Variants in SLC4A4 observed in about 807,000 individuals in gnomAD.
The protein encoded by SLC4A4 is solute carrier family 4 member 4.
SLC4A4 carries 27 observed loss-of-function variants against 111.5 expected under a neutral mutation model. The ratio of observed to expected loss-of-function variants is 0.24; its 90% CI spans 0.18 to 0.33. SLC4A4 has a LOEUF of 0.33. Among genes scored for constraint, SLC4A4 ranks in the 10% least tolerant of loss-of-function variants. The pLI is 1.00. For missense variants in SLC4A4, 909 were observed against 1,315.5 expected, an observed-to-expected ratio of 0.69 and a Z score of 4.78; for synonymous variants, 443 against 463.4, an observed-to-expected ratio of 0.96 and a Z score of 0.57.
In SLC4A4 at chr4:71,298,349, G is replaced by A. The variant is rs562293508; in HGVS notation, c.254-41021G>A. ...TCCTGGGATCTGCAAGCAGCCTTAG[G>A]TGGAGAAAAGAGGAGGCACAGAACA... On this transcript the variant is annotated intron_variant, in intron 3 of 25. Transcript: ENST00000264485. Among the ~76,000 whole-genome samples, 5 of 152,274 alleles carry A rather than the reference G, an allele frequency of 3.3e-5. No homozygotes were observed. In the East Asian group the frequency reaches 5.8e-4, roughly 18 times the overall value.
At chr4:71,433,463 G>C (rs542206555) in intron 7 of SLC4A4, among the ~76,000 whole-genome samples, 1 of 151,494 alleles carries the variant, frequency 6.6e-6, no homozygotes, top group South Asian at 2.1e-4. Context: ...TTCCAAAATT[G>C]CTGTAATATC....
chr4:71,225,385 T>C (rs1262728705), intron 1 of SLC4A4, among the ~76,000 whole-genome samples: 1 of 151,926 alleles, frequency 6.6e-6, no homozygotes, highest in African/African-American at 2.4e-5. Flanking sequence ...GTCCCTAATC[T>C]CAGTTCCTAC....
intron 2 of SLC4A4, among the ~76,000 whole-genome samples, chr4:71,177,975 C>T (rs538207880): frequency 6.6e-6 from 1 of 152,310 alleles, no homozygotes; most frequent in South Asian, 2.1e-4. Flanking sequence ...TTATAACAAA[C>T]TGTCTCTTAG....
chr4:71,267,796 A>AAAAAAAAAAAGAAAAAAAAAAAAAAAG (rs1361775169), intron 3 of SLC4A4, among the ~76,000 whole-genome samples: 1 of 42,226 alleles, frequency 2.4e-5, no homozygotes, highest in Admixed American at 2.2e-4. Flanking sequence ...TCTGCCAAAA[A>AAAAAAAAAAAGAAAAAAAAAAAAAAAG]AAAAAAAAAA....
chr4:71,200,712 C>T (rs1244947153), intron 1 of SLC4A4, among the ~76,000 whole-genome samples: 3 of 151,852 alleles, frequency 2.0e-5, no homozygotes, highest in East Asian at 1.9e-4. Context: ...ATGTAGATGA[C>T]GGGTTGATGG....
At chr4:71,290,668 C>T (rs1481625778) in intron 3 of SLC4A4, among the ~76,000 whole-genome samples, 1 of 152,240 alleles carries the variant, frequency 6.6e-6, no homozygotes, top group East Asian at 1.9e-4. Context: ...TTCAATATTT[C>T]AAGGGAAATG....
intron 14 of SLC4A4, among the ~76,000 whole-genome samples, chr4:71,473,833 G>A (rs1728102275): frequency 6.6e-6 from 1 of 151,826 alleles, no homozygotes; most frequent in Non-Finnish European, 1.5e-5. Flanking sequence ...AATTGTTTTA[G>A]ATCTTCTCTC....
chr4:71,130,861 G>A (rs981615977), intron 2 of SLC4A4, among the ~76,000 whole-genome samples: 3 of 152,188 alleles, frequency 2.0e-5, no homozygotes, highest in African/African-American at 7.2e-5. Context: ...GCTGAGGGGA[G>A]ATATCTTTGT....
At chr4:71,340,360 G>A (rs1297728057) in intron 4 of SLC4A4, among the ~76,000 whole-genome samples, 1 of 152,184 alleles carries the variant, frequency 6.6e-6, no homozygotes, top group East Asian at 1.9e-4. Context: ...AAGATATTTT[G>A]AGAGAGTTGC....
chr4:71,153,993 G>A (rs1029301282), intron 2 of SLC4A4, among the ~76,000 whole-genome samples: 3 of 152,158 alleles, frequency 2.0e-5, no homozygotes, highest in Non-Finnish European at 2.9e-5. Flanking sequence ...ATGTCATACA[G>A]TCTTGGATGT....
chr4:71,555,036 TC>T, intron 20 of SLC4A4, 103 bp from the exon 21 acceptor site: 1 of 815,362 alleles, frequency 1.2e-6, no homozygotes, highest in Non-Finnish European at 2.2e-6. Context: ...AGTTATTATA[TC>T]CTATATTTTA....
chr4:71,068,632 G>T (rs1478577359), intron 1 of SLC4A4, among the ~76,000 whole-genome samples: 1 of 151,232 alleles, frequency 6.6e-6, no homozygotes, highest in Non-Finnish European at 1.5e-5. Flanking sequence ...ACCGCTCACT[G>T]CAACCTGCAA....
chr4:71,269,781 A>G (rs1205863066), intron 3 of SLC4A4, among the ~76,000 whole-genome samples: 1 of 152,214 alleles, frequency 6.6e-6, no homozygotes, highest in Non-Finnish European at 1.5e-5. Context: ...TTGTTAAAAA[A>G]CTATTATACA....
chr4:71,425,572 C>T (rs573275801), intron 7 of SLC4A4, among the ~76,000 whole-genome samples: 44 of 152,170 alleles, frequency 2.9e-4, no homozygotes, highest in East Asian at 1.2e-3. Context: ...ACAACATGTG[C>T]GCAAGGTGGT....
chr4:71,562,386 C>A (rs1433038830), intron 23 of SLC4A4, among the ~76,000 whole-genome samples: 8 of 151,694 alleles, frequency 5.3e-5, no homozygotes, highest in Admixed American at 5.3e-4. Flanking sequence ...GTTTGGGGCC[C>A]ATGGATATAG....
chr4:71,426,116 T>C (rs985040939), intron 7 of SLC4A4, among the ~76,000 whole-genome samples: 1 of 152,096 alleles, frequency 6.6e-6, no homozygotes, highest in Non-Finnish European at 1.5e-5. Context: ...CTGGAATTTT[T>C]TTTATTGCTA....
intron 16 of SLC4A4, among the ~76,000 whole-genome samples, chr4:71,523,869 A>T (rs1733182480): frequency 1.3e-5 from 2 of 152,076 alleles, no homozygotes; most frequent in Non-Finnish European, 2.9e-5. Context: ...AGGTTCAAGG[A>T]ATGTTGATAA....
chr4:71,099,909 A>G (rs777236262), intron 2 of SLC4A4, among the ~76,000 whole-genome samples: 4 of 152,176 alleles, frequency 2.6e-5, no homozygotes, highest in Non-Finnish European at 4.4e-5. Context: ...CCAGGAAGAA[A>G]CTGATTCCCT....
chr4:71,235,202 A>G (rs1719719114), intron 1 of SLC4A4, among the ~76,000 whole-genome samples: 1 of 152,244 alleles, frequency 6.6e-6, no homozygotes, highest in African/African-American at 2.4e-5. Context: ...GTTCAGTGGT[A>G]GAGCTAGATT....
Sources: gnomAD v4.1 joint callset for allele counts (sites outside exome capture counted in the v4.1 genomes callset) on GRCh38, gnomAD v4.1.1 for gene constraint, MANE v1.5 for transcripts, NCBI Gene and HGNC (gene_info 2026-07-23, HGNC 2026-07-21) for gene names.